USP49: variants seen among roughly 807,000 people sequenced by gnomAD.
The protein encoded by USP49 is ubiquitin specific peptidase 49.
USP49 carries 24 observed loss-of-function variants against 58.6 expected under a neutral mutation model. The observed-to-expected ratio is 0.41, with a 90% CI of 0.30 to 0.58. The LOEUF (loss-of-function observed/expected upper bound fraction) is 0.58. USP49 is among the 20% of genes least tolerant of loss of function. The probability of loss-of-function intolerance (pLI) is 0.30; values close to 1 mark genes in which losing one functional copy is unlikely to be tolerated. For missense variants in USP49, 703 were observed against 866.1 expected (o/e 0.81, Z 2.36); for synonymous variants, 408 against 365.1 (o/e 1.12, Z -1.34).
chr6:41,802,452 A>ATTTTTTTTTTTTTTTTTTTT (rs1561902624), intron 5 of USP49, among the ~76,000 whole-genome samples: 3 of 63,832 alleles, frequency 4.7e-5, no homozygotes, highest in Non-Finnish European at 5.8e-5. Flanking sequence ...TTATTTATTT[A>ATTTTTTTTTTTTTTTTTTTT]TTTATTTATT....
chr6:41,797,553 G>T, intron 7 of USP49: 1 of 897,796 alleles, frequency 1.1e-6, no homozygotes, highest in Non-Finnish European at 1.3e-6. Context: ...CTCCACTCTG[G>T]AGGATGAGGA....
intron 5 of USP49, among the ~76,000 whole-genome samples, chr6:41,802,464 A>ATTTT (rs1272102736): frequency 4.1e-5 from 3 of 73,694 alleles, no homozygotes; most frequent in African/African-American, 1.1e-4. Context: ...TTATTTATTT[A>ATTTT]TTTATTTTTT....
intron 3 of USP49, among the ~76,000 whole-genome samples, chr6:41,862,957 A>G (rs1313557892): frequency 6.6e-6 from 1 of 151,820 alleles, no homozygotes; most frequent in African/African-American, 2.4e-5. Context: ...TTTGTATTTT[A>G]TTAGAGATGG....
At chr6:41,880,015 G>C (rs1774575498) in intron 2 of USP49, among the ~76,000 whole-genome samples, 1 of 151,942 alleles carries the variant, frequency 6.6e-6, no homozygotes, top group Admixed American at 6.6e-5. Flanking sequence ...CAAAATAAAT[G>C]AAATGAACAA....
chr6:41,880,602 T>C (rs1774587467), intron 2 of USP49, among the ~76,000 whole-genome samples: 2 of 152,148 alleles, frequency 1.3e-5, no homozygotes, highest in Admixed American at 1.3e-4. Context: ...TGATGCCTGA[T>C]AAAGTCAGAG....
chr6:41,839,742 G>A (rs1773789455), intron 3 of USP49, among the ~76,000 whole-genome samples: 2 of 149,378 alleles, frequency 1.3e-5, no homozygotes, highest in Admixed American at 1.4e-4. Context: ...AGTAACTCAG[G>A]AATGGAAAAC....
At chr6:41,841,585 T>C (rs1468290201) in intron 3 of USP49, among the ~76,000 whole-genome samples, 1 of 152,198 alleles carries the variant, frequency 6.6e-6, no homozygotes, top group Non-Finnish European at 1.5e-5. Flanking sequence ...CATGTTGAAA[T>C]CCTGAAAGCT....
At chr6:41,835,054 C>T (rs1168354342) in intron 3 of USP49, among the ~76,000 whole-genome samples, 1 of 152,092 alleles carries the variant, frequency 6.6e-6, no homozygotes, top group Non-Finnish European at 1.5e-5. Context: ...CACTCTAAGC[C>T]CAAACCACCA....
intron 3 of USP49, among the ~76,000 whole-genome samples, chr6:41,857,689 T>C (rs1774154326): frequency 6.6e-6 from 1 of 152,204 alleles, no homozygotes; most frequent in African/African-American, 2.4e-5. Context: ...CTTGGTATTC[T>C]AATACCTTCT....
At chr6:41,890,089 A>T (rs942802272) in intron 2 of USP49, among the ~76,000 whole-genome samples, 5 of 152,058 alleles carry the variant, frequency 3.3e-5, no homozygotes, top group Admixed American at 6.6e-5. Flanking sequence ...ATTGTTAATT[A>T]TTTTTTTTAA....
At chr6:41,802,221 C>T (rs1472129022) in intron 5 of USP49, among the ~76,000 whole-genome samples, 1 of 151,344 alleles carries the variant, frequency 6.6e-6, no homozygotes, top group Non-Finnish European at 1.5e-5. Context: ...AGAGGTCTTG[C>T]TATGCCACCA....
intron 4 of USP49, among the ~76,000 whole-genome samples, 198 bp from the exon 5 acceptor site, chr6:41,804,208 A>G (rs529910553): frequency 6.6e-6 from 1 of 152,348 alleles, no homozygotes; most frequent in Admixed American, 6.5e-5. Context: ...ATGGGATGCT[A>G]GCTGGAATTT....
intron 2 of USP49, among the ~76,000 whole-genome samples, chr6:41,881,647 C>T (rs1040987133): frequency 6.6e-6 from 1 of 151,870 alleles, no homozygotes; most frequent in African/African-American, 2.4e-5. Flanking sequence ...AATGTTTTTG[C>T]TCATAGATAT....
At chr6:41,879,853 C>CT (rs1195246588) in intron 2 of USP49, among the ~76,000 whole-genome samples, 1 of 152,192 alleles carries the variant, frequency 6.6e-6, no homozygotes, top group Non-Finnish European at 1.5e-5. Flanking sequence ...ATACTGACTG[C>CT]TAGAGGTGTC....
chr6:41,805,915 G>A lies in USP49; in HGVS notation c.1069C>T (p.Leu357Phe), dbSNP rs2127323732. The change falls in exon 4 of 8, where the codon CTC (leucine) becomes TTC (phenylalanine). Residue 357 changes from leucine to phenylalanine, a missense_variant. By Grantham distance (22) the Leu-to-Phe change is conservative. Transcript: ENST00000682992. ...AAGAGGGTGTGCAGTTCACGGCAGA[G>A]GGAAATGTGCTTTGAACTCGGCTCC... ...NKEPSSKHIS[L>F]CRELHTLFRV... The A allele has an allele frequency of 1.2e-6, 2 of 1,613,996 alleles. No individual in the cohort carries two copies. Among genetic ancestry groups the A allele is most frequent in the Non-Finnish European group, 1.7e-6 (2 of 1,180,034 alleles).
intron 3 of USP49, among the ~76,000 whole-genome samples, chr6:41,837,521 A>G (rs1158127665): frequency 6.6e-6 from 1 of 152,222 alleles, no homozygotes; most frequent in Non-Finnish European, 1.5e-5. Context: ...CCTAGGAAAT[A>G]CCATTCTGGA....
At chr6:41,892,762 A>C (rs1774830999) in intron 1 of USP49, among the ~76,000 whole-genome samples, 1 of 152,242 alleles carries the variant, frequency 6.6e-6, no homozygotes, top group Admixed American at 6.5e-5. Flanking sequence ...TGAAAAAAAA[A>C]GTATCTTTGT....
Position 41,794,815 on chromosome 6 carries a change from G to A in USP49, c.*1718C>T, listed in dbSNP as rs1477233349. The A allele has an allele frequency of 6.6e-6, 1 of 152,202 alleles. No individual in the cohort carries two copies. The highest frequency in any genetic ancestry group is 1.5e-5 in the Non-Finnish European group (1 of 68,040). The allele number at this position is 152,202 out of a possible 1,614,324, so 9.4% of individuals were successfully genotyped here. On this transcript the variant is annotated 3_prime_UTR_variant, in exon 8 of 8. Transcript: ENST00000682992. ...CTAAATATTACAGAAACCTCACAGT[G>A]TTGGAAAAAGCAAGTTTAATTTAAA...
intron 2 of USP49, among the ~76,000 whole-genome samples, chr6:41,877,284 C>T (rs936656336): frequency 6.6e-6 from 1 of 152,108 alleles, no homozygotes; most frequent in Non-Finnish European, 1.5e-5. Context: ...ATTTTGACTA[C>T]GATTCAGAAT....
Sources: allele counts gnomAD v4.1 joint callset (sites outside exome capture counted in the v4.1 genomes callset), GRCh38; gene constraint gnomAD v4.1.1; transcripts MANE v1.5; gene names NCBI Gene and HGNC (gene_info 2026-07-23, HGNC 2026-07-21).